The following ODAD2 variants were observed in gnomAD, a reference collection of about 807,000 sequenced individuals.
ODAD2 encodes the protein outer dynein arm-docking complex subunit 2.
Under a neutral mutation model 106.8 loss-of-function variants are expected in ODAD2, and 89 were observed. The observed-to-expected ratio is 0.83, with a 90% CI of 0.70 to 0.99. ODAD2 has a LOEUF of 0.99. ODAD2 is among the 50% of genes least tolerant of loss of function. ODAD2 has a pLI of 0.00. For missense variants in ODAD2, 1,168 were observed against 1,238.5 expected, an observed-to-expected ratio of 0.94 and a Z score of 0.85; for synonymous variants, 404 against 436.2, an observed-to-expected ratio of 0.93 and a Z score of 0.92.
At chr10:27,887,517 CAG>C (rs1564468912) in intron 17 of ODAD2, among the ~76,000 whole-genome samples, 1 of 151,944 alleles carries the variant, frequency 6.6e-6, no homozygotes, top group Non-Finnish European at 1.5e-5. Flanking sequence ...CTAACAACAG[CAG>C]AATACTCATT....
chr10:27,857,700 T>A (rs961924059), intron 19 of ODAD2, among the ~76,000 whole-genome samples: 1 of 152,214 alleles, frequency 6.6e-6, no homozygotes, highest in Non-Finnish European at 1.5e-5. Flanking sequence ...CAGGATAGAA[T>A]AAACCTTAGC....
At chr10:27,969,966 C>T (rs7893558) in intron 8 of ODAD2, among the ~76,000 whole-genome samples, 4,587 of 151,854 alleles carry the variant, frequency 0.03, 177 homozygotes, top group African/African-American at 0.096. Flanking sequence ...ATTAGCCAGC[C>T]GTGGTGTCAC....
chr10:27,971,396 A>C (rs1385342666), intron 7 of ODAD2, 83 bp from the exon 8 acceptor site: 2 of 1,198,280 alleles, frequency 1.7e-6, no homozygotes, highest in African/African-American at 1.5e-5. Context: ...TGGTAAATTC[A>C]GGAAAGGAAG....
chr10:27,943,962 G>A (rs890455266), intron 12 of ODAD2, among the ~76,000 whole-genome samples: 48 of 151,902 alleles, frequency 3.2e-4, no homozygotes, highest in Admixed American at 6.6e-5. Flanking sequence ...TCCTAACAAC[G>A]TACAATAGGT....
chr10:27,985,203 C>T lies in ODAD2; in HGVS notation c.391G>A (p.Asp131Asn). 1 of 1,488,724 alleles carries T rather than the reference C, an allele frequency of 6.7e-7. No individual in the cohort carries two copies. Among genetic ancestry groups the T allele is most frequent in the Non-Finnish European group, 8.9e-7 (1 of 1,121,082 alleles). 92.2% of individuals were successfully genotyped at this position (1,488,724 alleles called of 1,614,324 possible). The change falls in exon 4 of 20, where the codon GAC (aspartate) becomes AAC (asparagine). Residue 131 changes from aspartate to asparagine, a missense_variant. This residue lies in a region of ODAD2 where 430 missense variants were observed against 452.2 expected (regional missense o/e 0.95). Coordinates refer to ENST00000305242, the MANE Select transcript of ODAD2 (RefSeq NM_018076.5). ...EAQACVEANR[D>N]PIVKILGSDY... ...GAGCCCAGGATTTTTACTATGGGGTCTCTGTTAGCTGCCAAAAAAAAAAAA... is the reference window on the plus strand; with the variant it reads ...GAGCCCAGGATTTTTACTATGGGGTTTCTGTTAGCTGCCAAAAAAAAAAAA...
intron 10 of ODAD2, among the ~76,000 whole-genome samples, chr10:27,947,818 A>C (rs1847045054): frequency 6.6e-6 from 1 of 152,208 alleles, no homozygotes; most frequent in South Asian, 2.1e-4. Context: ...CCCCAGGTCT[A>C]CGCAGTGAAG....
intron 16 of ODAD2, among the ~76,000 whole-genome samples, chr10:27,908,024 A>C (rs907563900): frequency 6.6e-6 from 1 of 152,192 alleles, no homozygotes; most frequent in Non-Finnish European, 1.5e-5. Flanking sequence ...ATAAACTGAA[A>C]ATCAAGCCAT....
chr10:27,904,262 C>G (rs867121348), intron 17 of ODAD2: 6 of 408,844 alleles, frequency 1.5e-5, no homozygotes, highest in Admixed American at 1.3e-4. Context: ...GTGGCAAGCA[C>G]CAACCCCACA....
At chr10:27,915,033 G>A (rs1044211680) in intron 16 of ODAD2, among the ~76,000 whole-genome samples, 10 of 151,840 alleles carry the variant, frequency 6.6e-5, no homozygotes, top group Non-Finnish European at 1.3e-4. Context: ...TTGTGAAGGC[G>A]ATAATCACAA....
At chr10:27,892,423 T>G (rs552280748) in intron 17 of ODAD2, among the ~76,000 whole-genome samples, 3 of 152,310 alleles carry the variant, frequency 2.0e-5, no homozygotes, top group Admixed American at 2.0e-4. Context: ...CTTAAATTAT[T>G]TCGAGGTTTA....
chr10:27,812,552 C>A lies in ODAD2; in HGVS notation c.3095G>T (p.Arg1032Leu), dbSNP rs375622560. 13 of 1,612,940 alleles carry A rather than the reference C, an allele frequency of 8.1e-6. No homozygotes were observed. Among genetic ancestry groups the A allele is most frequent in the Non-Finnish European group, 6.8e-6 (8 of 1,179,790 alleles). ...CTTCTCTGTAGCAAGAGCCAGCCTGCGGATATTGGATATACAACCAGCTGC... is the reference window on the plus strand; with the variant it reads ...CTTCTCTGTAGCAAGAGCCAGCCTGAGGATATTGGATATACAACCAGCTGC... The part of the protein sequence containing the change: ...EAAAGCISNI[R>L]RLALATEKAR... Residue 1032 changes from arginine (R) to leucine (L), a missense_variant, in exon 20 of 20, where the codon CGC becomes CTC. Arg to Leu is a moderately radical substitution (Grantham distance 102, BLOSUM62 -2). Coordinates refer to ENST00000305242, the MANE Select transcript of ODAD2 (RefSeq NM_018076.5).
chr10:27,857,625 G>T (rs1839752001), intron 19 of ODAD2, among the ~76,000 whole-genome samples: 1 of 152,124 alleles, frequency 6.6e-6, no homozygotes, highest in Admixed American at 6.5e-5. Flanking sequence ...AATTCAAACT[G>T]ACTATTCAAA....
chr10:27,935,414 T>C (rs972636695), intron 15 of ODAD2, among the ~76,000 whole-genome samples, 162 bp from the exon 16 acceptor site: 13 of 152,074 alleles, frequency 8.5e-5, no homozygotes, highest in Admixed American at 6.6e-4. Flanking sequence ...AGAGCTGACG[T>C]CTAACCCAGC....
intron 10 of ODAD2, among the ~76,000 whole-genome samples, chr10:27,956,762 T>C (rs1460366770): frequency 6.6e-6 from 1 of 152,240 alleles, no homozygotes; most frequent in Non-Finnish European, 1.5e-5. Flanking sequence ...CAACGTGTTT[T>C]TGACCTTGGA....
intron 13 of ODAD2, among the ~76,000 whole-genome samples, chr10:27,940,304 TATAA>T (rs1255880440): frequency 6.6e-6 from 1 of 151,916 alleles, no homozygotes; most frequent in Non-Finnish European, 1.5e-5. Context: ...GTGATATATA[TATAA>T]ATGTCAGCAT....
At chr10:27,849,099 A>G (rs961241991) in intron 19 of ODAD2, among the ~76,000 whole-genome samples, 1 of 152,268 alleles carries the variant, frequency 6.6e-6, no homozygotes, top group African/African-American at 2.4e-5. Flanking sequence ...AGACACATGC[A>G]CACGTATGTT....
chr10:27,989,739 T>C (rs1850105552), intron 2 of ODAD2, among the ~76,000 whole-genome samples: 1 of 152,062 alleles, frequency 6.6e-6, no homozygotes, highest in Non-Finnish European at 1.5e-5. Flanking sequence ...TCCCAGCTAC[T>C]TGGGAGGCTG....
At chr10:27,889,638 GT>G (rs1393418669) in intron 17 of ODAD2, among the ~76,000 whole-genome samples, 1 of 152,078 alleles carries the variant, frequency 6.6e-6, no homozygotes, top group Non-Finnish European at 1.5e-5. Flanking sequence ...CAGTCCCACT[GT>G]CCCACATTCT....
At chr10:27,862,722 T>C in intron 17 of ODAD2, 100 bp from the exon 18 acceptor site, 1 of 749,330 alleles carries the variant, frequency 1.3e-6, no homozygotes, top group Non-Finnish European at 2.0e-6. Flanking sequence ...GGTACATCTT[T>C]GGCATGAAAG....
Sources: allele counts gnomAD v4.1 joint callset (sites outside exome capture counted in the v4.1 genomes callset), GRCh38; gene constraint gnomAD v4.1.1; regional missense constraint gnomAD v4.1.1; transcripts MANE v1.5; gene names NCBI Gene and HGNC (gene_info 2026-07-23, HGNC 2026-07-21).